The following SDK1 variants were observed in gnomAD, a reference collection of about 807,000 sequenced individuals.
The protein encoded by SDK1 is protein sidekick-1.
In SDK1, 157 loss-of-function variants were observed where a neutral mutation model predicts 245.5. The ratio of observed to expected loss-of-function variants is 0.64; its 90% CI spans 0.56 to 0.73. SDK1 has a LOEUF of 0.73. Ranked by LOEUF, SDK1 falls within the 30% of genes least tolerant of loss-of-function variation. The pLI, the probability that SDK1 is intolerant of heterozygous loss-of-function variation, is 0.00. For synonymous variants in SDK1, 1,647 were observed against 1,278.5 expected (o/e 1.29, Z -6.15); for missense variants, 3,583 against 3,002.3 (o/e 1.19, Z -4.52).
In SDK1 at chr7:3,953,569, G is replaced by A. The variant is rs565998724; in HGVS notation, c.1150+1649G>A. Among the ~76,000 whole-genome samples, 300 of 152,318 alleles carry A rather than the reference G, an allele frequency of 2.0e-3. 1 individual carries two copies. Among genetic ancestry groups the A allele is most frequent in the Middle Eastern group, 0.01 (3 of 294 alleles). On this transcript the variant is annotated intron_variant, in intron 7 of 44. Coordinates refer to ENST00000404826, the MANE Select transcript of SDK1 (RefSeq NM_152744.4). The stretch of plus-strand genomic sequence containing the variant: ...AGATTCAGCCAAAATTAAAATTTGC[G>A]ACGTGTAAATCTCTAGTAGACAGGA...
At chr7:4,196,668 T>C (rs548588429) in intron 35 of SDK1, among the ~76,000 whole-genome samples, 1 of 152,256 alleles carries the variant, frequency 6.6e-6, no homozygotes, top group African/African-American at 2.4e-5. Flanking sequence ...TCTGGGCTCA[T>C]TCCCAGCACA....
At chr7:3,395,084 GA>G (rs1478997602) in intron 1 of SDK1, among the ~76,000 whole-genome samples, 2 of 151,968 alleles carry the variant, frequency 1.3e-5, no homozygotes, top group African/African-American at 4.8e-5. Context: ...TGTCTTAGAG[GA>G]AAAGAATTTG....
At chr7:4,230,675 G>A (rs1385708878) in intron 40 of SDK1, among the ~76,000 whole-genome samples, 1 of 149,576 alleles carries the variant, frequency 6.7e-6, no homozygotes, top group East Asian at 2.0e-4. Flanking sequence ...AGGGAAGGAA[G>A]GAAGAATGGA....
chr7:3,725,583 G>A (rs182131337), intron 4 of SDK1, among the ~76,000 whole-genome samples: 18 of 152,140 alleles, frequency 1.2e-4, no homozygotes, highest in Non-Finnish European at 1.6e-4. Context: ...ACTCTTTGGC[G>A]CTCTACTTTT....
At chr7:3,916,668 T>G (rs1378885583) in intron 5 of SDK1, among the ~76,000 whole-genome samples, 1 of 152,240 alleles carries the variant, frequency 6.6e-6, no homozygotes, top group Non-Finnish European at 1.5e-5. Context: ...GTGTGTGCAT[T>G]GCATTTCTAG....
intron 5 of SDK1, among the ~76,000 whole-genome samples, chr7:3,932,126 G>A (rs564512672): frequency 6.6e-5 from 10 of 152,176 alleles, no homozygotes; most frequent in Admixed American, 4.6e-4. Flanking sequence ...CACATAAATG[G>A]AATTAGGACT....
chr7:3,601,431 T>A (rs1166726736), intron 1 of SDK1, among the ~76,000 whole-genome samples: 1 of 152,090 alleles, frequency 6.6e-6, no homozygotes, highest in Non-Finnish European at 1.5e-5. Context: ...TAATATTTCA[T>A]TTTGGCTGAA....
chr7:3,989,622 C>G (rs1017717227), intron 14 of SDK1, among the ~76,000 whole-genome samples: 3 of 152,158 alleles, frequency 2.0e-5, no homozygotes, highest in Middle Eastern at 3.2e-3. Context: ...GAGTGGTGCA[C>G]TCTCGGGTAC....
chr7:3,900,678 C>G (rs146299940), intron 5 of SDK1, among the ~76,000 whole-genome samples: 2 of 152,292 alleles, frequency 1.3e-5, no homozygotes, highest in African/African-American at 4.8e-5. Flanking sequence ...ACACCCTTCA[C>G]CTAGATTCAC....
intron 4 of SDK1, among the ~76,000 whole-genome samples, chr7:3,658,773 CCTGA>C (rs1783267282): frequency 6.6e-6 from 1 of 152,058 alleles, no homozygotes; most frequent in Non-Finnish European, 1.5e-5. Context: ...TGCCACCACA[CCTGA>C]CTAATGTTTT....
At chr7:3,397,595 T>C (rs1426695923) in intron 1 of SDK1, among the ~76,000 whole-genome samples, 1 of 152,024 alleles carries the variant, frequency 6.6e-6, no homozygotes, top group Non-Finnish European at 1.5e-5. Context: ...AAGTCATTTT[T>C]TCTGTTGTTT....
chr7:4,154,153 G>A (rs964064595), intron 30 of SDK1, among the ~76,000 whole-genome samples: 12 of 152,196 alleles, frequency 7.9e-5, no homozygotes, highest in Admixed American at 2.0e-4. Context: ...AGGCAGGAAC[G>A]TGGAACTTAA....
chr7:4,174,480 C>T (rs1782059424), intron 33 of SDK1, 123 bp downstream of exon 33: 2 of 1,134,686 alleles, frequency 1.8e-6, no homozygotes, highest in African/African-American at 1.5e-5. Flanking sequence ...GCAGCCCTGC[C>T]CTCAGGAACA....
chr7:3,904,419 C>G (rs916697318), intron 5 of SDK1, among the ~76,000 whole-genome samples: 1 of 152,204 alleles, frequency 6.6e-6, no homozygotes, highest in East Asian at 1.9e-4. Flanking sequence ...TGAAACTAGC[C>G]TGGTGCAGTG....
intron 1 of SDK1, among the ~76,000 whole-genome samples, chr7:3,321,821 CT>C (rs1165204027): frequency 1.5e-5 from 2 of 132,032 alleles, no homozygotes; most frequent in African/African-American, 3.0e-5. Flanking sequence ...TCCTTCCTTC[CT>C]TCCTTCCTCC....
chr7:4,262,451 T>C (rs1788078330), intron 44 of SDK1, among the ~76,000 whole-genome samples: 1 of 151,684 alleles, frequency 6.6e-6, no homozygotes, highest in African/African-American at 2.4e-5. Context: ...GCTGCTGATT[T>C]ATTTTATAAA....
Position 3,370,161 on chromosome 7 carries a change from C to T in SDK1, c.298+68277C>T, listed in dbSNP as rs139282500. On this transcript the variant is annotated intron_variant, in intron 1 of 44. Coordinates refer to ENST00000404826, the MANE Select transcript of SDK1 (RefSeq NM_152744.4). ...ATGACTTGAGAGAGTATGGTTTTGA[C>T]AGAGTGGTTGTTAATGCCTCAGAAC... is the stretch of plus-strand genomic sequence containing the variant. Among the ~76,000 whole-genome samples the T allele has an allele frequency of 1.4e-4, 21 of 152,284 alleles. No homozygotes were observed. The East Asian group carries it at 4.0e-3, about 29-fold the overall frequency.
chr7:4,084,354 T>C (rs1279600290), intron 22 of SDK1, among the ~76,000 whole-genome samples: 4 of 152,216 alleles, frequency 2.6e-5, no homozygotes, highest in Non-Finnish European at 4.4e-5. Flanking sequence ...GCAGTCATTA[T>C]TCTTTTTGAA....
intron 1 of SDK1, among the ~76,000 whole-genome samples, chr7:3,322,297 T>A (rs758422459): frequency 1.7e-4 from 26 of 152,188 alleles, no homozygotes; most frequent in Non-Finnish European, 3.5e-4. Context: ...TTCATCTGGG[T>A]TGTGTTTTGT....
Sources: gnomAD v4.1 joint callset for allele counts (sites outside exome capture counted in the v4.1 genomes callset) on GRCh38, gnomAD v4.1.1 for gene constraint, MANE v1.5 for transcripts, NCBI Gene and HGNC (gene_info 2026-07-23, HGNC 2026-07-21) for gene names.